Variants in MAD1L1 observed in about 807,000 individuals in gnomAD.
MAD1L1 encodes the protein mitotic spindle assembly checkpoint protein MAD1.
In MAD1L1, 95 loss-of-function variants were observed where a neutral mutation model predicts 96.9. That is an observed-to-expected ratio of 0.98 (90% confidence interval 0.83 to 1.16). MAD1L1 has a LOEUF of 1.16. MAD1L1 is among the 50% of genes most tolerant of loss of function. The pLI, the probability that MAD1L1 is intolerant of heterozygous loss-of-function variation, is 0.00. For missense variants in MAD1L1, 1,007 were observed against 954.4 expected, an observed-to-expected ratio of 1.06 and a Z score of -0.73; for synonymous variants, 473 against 396.6, an observed-to-expected ratio of 1.19 and a Z score of -2.29.
chr7:2,108,807 G>C (rs1787225300), intron 11 of MAD1L1, among the ~76,000 whole-genome samples: 1 of 152,332 alleles, frequency 6.6e-6, no homozygotes, highest in East Asian at 1.9e-4. Context: ...CTGAGCTAGG[G>C]ACGCGGCAGG....
intron 17 of MAD1L1, among the ~76,000 whole-genome samples, chr7:1,931,097 C>T (rs544582154): frequency 2.0e-4 from 29 of 141,720 alleles, no homozygotes; most frequent in African/African-American, 7.8e-4. Context: ...GGAGCGAGGG[C>T]GCATCATGGG....
Position 2,103,502 on chromosome 7 carries a change from C to T in MAD1L1, c.1074-34164G>A, listed in dbSNP as rs373634772. Among the ~76,000 whole-genome samples the T allele has an allele frequency of 6.4e-4, 97 of 152,158 alleles. 3 individuals are homozygous for T. In the East Asian group the frequency reaches 0.016, roughly 25 times the overall value. ...ACCCGCCCCCGAGGCCACTGCACAGCGGCGGGGCTCTCGACCACCGTGCTC... is the reference window on the plus strand; with the variant it reads ...ACCCGCCCCCGAGGCCACTGCACAGTGGCGGGGCTCTCGACCACCGTGCTC... On this transcript the variant is annotated intron_variant, in intron 11 of 18. Coordinates refer to ENST00000265854, the MANE Select transcript of MAD1L1 (RefSeq NM_001013836.2). This position sits in a 1 kb window ranked among gnomAD's most constrained non-coding sequence, Gnocchi z 4.3.
chr7:2,065,734 G>A (rs910050763), intron 12 of MAD1L1, among the ~76,000 whole-genome samples: 2 of 152,164 alleles, frequency 1.3e-5, no homozygotes, highest in Non-Finnish European at 2.9e-5. Flanking sequence ...TGAGTCCGAC[G>A]CCGCTGGACA....
intron 13 of MAD1L1, among the ~76,000 whole-genome samples, 172 bp downstream of exon 13, chr7:2,014,330 G>A (rs1326090906): frequency 6.6e-6 from 1 of 152,128 alleles, no homozygotes; most frequent in Non-Finnish European, 1.5e-5. Flanking sequence ...GAATTAACGT[G>A]GATCCACATG....
intron 17 of MAD1L1, among the ~76,000 whole-genome samples, chr7:1,932,071 G>A (rs1216640696): frequency 2.6e-5 from 4 of 152,348 alleles, no homozygotes; most frequent in African/African-American, 9.6e-5. Context: ...GCTCCGGTCC[G>A]CATCATGACA....
intron 12 of MAD1L1, among the ~76,000 whole-genome samples, chr7:2,050,316 G>A (rs1161021498): frequency 6.6e-6 from 1 of 152,244 alleles, no homozygotes; most frequent in Non-Finnish European, 1.5e-5. Flanking sequence ...CCAGAGACCA[G>A]GATGGAACCT....
At chr7:2,206,465 T>C (rs1484619652) in intron 10 of MAD1L1, among the ~76,000 whole-genome samples, 1 of 152,236 alleles carries the variant, frequency 6.6e-6, no homozygotes, top group Non-Finnish European at 1.5e-5. Context: ...TTGAGTTAAA[T>C]CTTGTGTCCA....
At chr7:1,873,459 A>G (rs1257435934) in intron 18 of MAD1L1, among the ~76,000 whole-genome samples, 1 of 140,832 alleles carries the variant, frequency 7.1e-6, no homozygotes, top group Non-Finnish European at 1.5e-5. Context: ...GGGGAGGGGC[A>G]GGTGGGGAGC....
chr7:2,225,550 G>T lies in MAD1L1; in HGVS notation c.151C>A (p.Leu51Met), dbSNP rs1793847294. Residue 51 changes from leucine to methionine, a missense_variant and splice_region_variant, in exon 4 of 19, where the codon CTG becomes ATG. Leu to Met is a conservative substitution (Grantham distance 15). Transcript: ENST00000265854. Reference sequence around the variant, plus strand: ...CGGATCTGCTCTGCTCTTTCCTCCAGCTGAGCAGGTCGCACCCAAAGAAAA... The same window carrying T: ...CGGATCTGCTCTGCTCTTTCCTCCATCTGAGCAGGTCGCACCCAAAGAAAA... ...LQMQYQQSMQ[L>M]EERAEQIRSK... The T allele has an allele frequency of 6.2e-7, 1 of 1,613,148 alleles. No homozygotes were observed. Among genetic ancestry groups the T allele is most frequent in the Non-Finnish European group, 8.5e-7 (1 of 1,180,008 alleles).
chr7:1,871,589 C>T (rs1785103764), intron 18 of MAD1L1, among the ~76,000 whole-genome samples: 3 of 148,482 alleles, frequency 2.0e-5, no homozygotes, highest in South Asian at 2.2e-4. Flanking sequence ...CCGAACCCAC[C>T]GTAACACCTG....
chr7:1,937,470 G>A (rs1056727121), intron 16 of MAD1L1, among the ~76,000 whole-genome samples: 2 of 152,194 alleles, frequency 1.3e-5, no homozygotes, highest in African/African-American at 4.8e-5. Context: ...ATCCTTGAGG[G>A]AGGAGTGCGC....
At chr7:1,838,661 C>T (rs547800966) in intron 18 of MAD1L1, 27 of 430,838 alleles carry the variant, frequency 6.3e-5, no homozygotes, top group Middle Eastern at 3.9e-4. Context: ...CGGCTGCCGA[C>T]GGCTGGGACT....
rs551155837 is a variant in MAD1L1 at position 2,135,613 on chromosome 7, G to A, written c.1073+13539C>T. ...GGACTGACAAGTGAGGGCAATGCTG[G>A]TGCAGAGGAAGGCTCAGGTGGTGGG... On this transcript the variant is annotated intron_variant, in intron 11 of 18. Transcript: ENST00000265854. Among the ~76,000 whole-genome samples the A allele has an allele frequency of 1.4e-3, 220 of 152,306 alleles. 1 individual carries two copies. In the Middle Eastern group the frequency reaches 0.017, roughly 12 times the overall value.
chr7:1,998,150 C>A (rs1253949143), intron 14 of MAD1L1, among the ~76,000 whole-genome samples: 1 of 152,218 alleles, frequency 6.6e-6, no homozygotes, highest in Non-Finnish European at 1.5e-5. Flanking sequence ...ACCTCACAGC[C>A]CCCTGACCAG....
At chr7:1,830,151 C>CT (rs1400211067) in intron 18 of MAD1L1, among the ~76,000 whole-genome samples, 1 of 152,226 alleles carries the variant, frequency 6.6e-6, no homozygotes, top group Non-Finnish European at 1.5e-5. Flanking sequence ...AATCCCAGCA[C>CT]TGTGGGAGGC....
Position 2,069,234 on chromosome 7 carries a change from A to G in MAD1L1, c.1178T>C (p.Leu393Pro). 1 of 1,610,924 alleles carries G rather than the reference A, an allele frequency of 6.2e-7. No homozygotes were observed. Among genetic ancestry groups the G allele is most frequent in the Non-Finnish European group, 8.5e-7 (1 of 1,178,886 alleles). The change falls in exon 12 of 19, where the codon CTG becomes CCG. Residue 393 changes from leucine (L) to proline (P), a missense_variant. Leu to Pro is a moderately conservative substitution (Grantham distance 98). Coordinates refer to ENST00000265854, the MANE Select transcript of MAD1L1 (RefSeq NM_001013836.2). ...ERKKRETHEA[L>P]ARRLQKRVLL... ...GACCCGTTTCTGGAGCCTCCGGGCC[A>G]GCGCCTCGTGGGTCTCGCGCTTCTT...
At chr7:1,841,684 G>A (rs897009213) in intron 18 of MAD1L1, among the ~76,000 whole-genome samples, 3 of 152,334 alleles carry the variant, frequency 2.0e-5, no homozygotes, top group Non-Finnish European at 2.9e-5. Context: ...CGGCCTTCCC[G>A]GACCACCAAG....
At chr7:2,021,692 G>A (rs762680736) in intron 12 of MAD1L1, among the ~76,000 whole-genome samples, 2 of 152,086 alleles carry the variant, frequency 1.3e-5, no homozygotes, top group African/African-American at 4.8e-5. Flanking sequence ...TTGAACCCAG[G>A]AAGTGGAGGC....
At chr7:1,987,209 C>T (rs1781191715) in intron 14 of MAD1L1, among the ~76,000 whole-genome samples, 1 of 152,244 alleles carries the variant, frequency 6.6e-6, no homozygotes, top group Non-Finnish European at 1.5e-5. Context: ...TCCACCACAC[C>T]ACATGGTGAC....
Sources: allele counts gnomAD v4.1 joint callset (sites outside exome capture counted in the v4.1 genomes callset), GRCh38; gene constraint gnomAD v4.1.1; non-coding constraint Gnocchi (gnomAD v3.1); transcripts MANE v1.5; gene names NCBI Gene and HGNC (gene_info 2026-07-23, HGNC 2026-07-21).